MAGI2: variants seen among roughly 807,000 people sequenced by gnomAD.
MAGI2 encodes membrane-associated guanylate kinase, WW and PDZ domain-containing protein 2.
MAGI2 carries 35 observed loss-of-function variants against 133.3 expected under a neutral mutation model. The observed-to-expected ratio is 0.26, with a 90% confidence interval of 0.20 to 0.35. MAGI2 has a LOEUF of 0.35. MAGI2 is among the 10% of genes least tolerant of loss of function. The pLI is 1.00. For synonymous variants in MAGI2, 729 were observed against 710.6 expected (o/e 1.03, Z -0.41); for missense variants, 1,636 against 1,863.4 (o/e 0.88, Z 2.25).
At chr7:78,920,152 C>T (rs918928328) in intron 2 of MAGI2, among the ~76,000 whole-genome samples, 3 of 152,070 alleles carry the variant, frequency 2.0e-5, no homozygotes, top group Non-Finnish European at 2.9e-5. Flanking sequence ...ATTTCTACAT[C>T]ATTATTTTCA....
At chr7:79,447,380 A>C (rs1210202729) in intron 1 of MAGI2, among the ~76,000 whole-genome samples, 1 of 152,190 alleles carries the variant, frequency 6.6e-6, no homozygotes, top group Non-Finnish European at 1.5e-5. Context: ...GTAATAATAA[A>C]GTCACTAAAC....
intron 1 of MAGI2, among the ~76,000 whole-genome samples, chr7:79,025,637 A>G (rs1035515943): frequency 1.6e-5 from 2 of 128,974 alleles, no homozygotes; most frequent in Admixed American, 1.6e-4. Context: ...AAGAATTAGA[A>G]CGTTGGTAGA....
At chr7:78,123,384 C>A (rs919047922) in intron 20 of MAGI2, among the ~76,000 whole-genome samples, 2 of 152,044 alleles carry the variant, frequency 1.3e-5, no homozygotes, top group African/African-American at 4.8e-5. Flanking sequence ...ACTGTTTTCC[C>A]TATATATATC....
chr7:78,983,497 A>G (rs942592435), intron 2 of MAGI2, among the ~76,000 whole-genome samples: 2 of 151,916 alleles, frequency 1.3e-5, no homozygotes, highest in Admixed American at 6.6e-5. Context: ...TCTCTCTACA[A>G]TCTTAGGACA....
chr7:79,317,553 C>CAA (rs1838835975), intron 1 of MAGI2, among the ~76,000 whole-genome samples: 1 of 152,124 alleles, frequency 6.6e-6, no homozygotes, highest in African/African-American at 2.4e-5. Flanking sequence ...TCAGGGATAT[C>CAA]AAAGTAATCA....
intron 2 of MAGI2, among the ~76,000 whole-genome samples, chr7:78,787,575 A>G (rs1826941120): frequency 6.6e-6 from 1 of 152,228 alleles, no homozygotes; most frequent in African/African-American, 2.4e-5. Context: ...TACAAGCCAG[A>G]TAAAAAAAGT....
chr7:78,159,843 A>C (rs1824792146), intron 16 of MAGI2, 182 bp downstream of exon 16: 2 of 609,554 alleles, frequency 3.3e-6, no homozygotes, highest in East Asian at 6.3e-5. Context: ...TTCTTGAGCC[A>C]GAGGTCAGTA....
At chr7:79,252,626 C>T (rs189423469) in intron 1 of MAGI2, among the ~76,000 whole-genome samples, 193 of 152,174 alleles carry the variant, frequency 1.3e-3, no homozygotes, top group Non-Finnish European at 2.4e-3. Flanking sequence ...TGTAACACAA[C>T]GAATGAATAA....
At chr7:78,113,751 T>C (rs1013670459) in intron 20 of MAGI2, among the ~76,000 whole-genome samples, 2 of 152,180 alleles carry the variant, frequency 1.3e-5, no homozygotes, top group Non-Finnish European at 2.9e-5. Context: ...TGTATCCCTG[T>C]CATCAAGAGA....
At chr7:78,205,260 TA>T (rs1166964047) in intron 10 of MAGI2, among the ~76,000 whole-genome samples, 1 of 152,138 alleles carries the variant, frequency 6.6e-6, no homozygotes, top group African/African-American at 2.4e-5. Context: ...GCCTCCTGAG[TA>T]GCTGGGACCA....
intron 2 of MAGI2, among the ~76,000 whole-genome samples, chr7:78,825,365 A>T (rs1254244564): frequency 6.6e-6 from 1 of 152,228 alleles, no homozygotes; most frequent in East Asian, 1.9e-4. Flanking sequence ...ACCAAAGTTT[A>T]TGCATTTATT....
intron 2 of MAGI2, among the ~76,000 whole-genome samples, chr7:78,934,069 G>T (rs548043690): frequency 6.6e-6 from 1 of 152,198 alleles, no homozygotes; most frequent in African/African-American, 2.4e-5. Flanking sequence ...TTCTACTAAT[G>T]ATACTGTGCT....
At chr7:78,951,715 C>T (rs1369052209) in intron 2 of MAGI2, among the ~76,000 whole-genome samples, 8 of 152,330 alleles carry the variant, frequency 5.3e-5, no homozygotes, top group African/African-American at 1.9e-4. Flanking sequence ...TTTATCTCTT[C>T]ATCCAACCAA....
chr7:78,878,805 C>T (rs1413678902), intron 2 of MAGI2, among the ~76,000 whole-genome samples: 1 of 152,186 alleles, frequency 6.6e-6, no homozygotes, highest in Admixed American at 6.5e-5. Flanking sequence ...GATCTTCATA[C>T]ATCTGAAGCA....
At chr7:78,305,390 G>C (rs59336886) in intron 9 of MAGI2, among the ~76,000 whole-genome samples, 1,861 of 152,284 alleles carry the variant, frequency 0.012, 36 homozygotes, top group African/African-American at 0.042. Context: ...CAGCGAGCGT[G>C]TCTACTTGCC....
chr7:78,110,798 A>G (rs1160228386), intron 20 of MAGI2, among the ~76,000 whole-genome samples: 1 of 152,184 alleles, frequency 6.6e-6, no homozygotes, highest in African/African-American at 2.4e-5. Flanking sequence ...CCACAAAGAA[A>G]GAAGGGGACA....
chr7:78,851,303 C>A (rs1337581386), intron 2 of MAGI2, among the ~76,000 whole-genome samples: 3 of 152,014 alleles, frequency 2.0e-5, no homozygotes, highest in Non-Finnish European at 2.9e-5. Flanking sequence ...TGCTAAATGT[C>A]AAGGGCTTTA....
chr7:79,233,718 A>T (rs1398480709), intron 1 of MAGI2, among the ~76,000 whole-genome samples: 973 of 80,866 alleles, frequency 0.012, 17 homozygotes, highest in African/African-American at 0.044. Context: ...TCCTGAATAC[A>T]GCACACTGAT....
chr7:78,279,428 C>G lies in MAGI2; in HGVS notation c.1409-22847G>C, dbSNP rs374190928. Among the ~76,000 whole-genome samples the G allele has an allele frequency of 2.0e-4, 27 of 134,888 alleles. No homozygotes were observed. In the South Asian group the frequency reaches 4.1e-3, roughly 20 times the overall value. 88.5% of individuals were successfully genotyped at this position (134,888 alleles called of 152,430 possible). ...GTGTGTATTCATATTTAAATTTTCT[C>G]TTGTTTGTGCTGTTTTAGACACAAT... On this transcript the variant is annotated intron_variant, in intron 9 of 21. Coordinates refer to ENST00000354212, the MANE Select transcript of MAGI2 (RefSeq NM_012301.4).
Sources: allele counts gnomAD v4.1 joint callset (sites outside exome capture counted in the v4.1 genomes callset), GRCh38; gene constraint gnomAD v4.1.1; transcripts MANE v1.5; gene names NCBI Gene and HGNC (gene_info 2026-07-23, HGNC 2026-07-21).